DAB1: variants seen among roughly 807,000 people sequenced by gnomAD.
DAB1 encodes the protein disabled homolog 1.
DAB1 carries 15 observed loss-of-function variants against 64.6 expected under a neutral mutation model. The ratio of observed to expected loss-of-function variants is 0.23; its 90% CI spans 0.16 to 0.36. The LOEUF is 0.36. Among genes scored for constraint, DAB1 ranks in the 10% least tolerant of loss-of-function variants. The pLI is 1.00. For missense variants in DAB1, 596 were observed against 706.7 expected, an observed-to-expected ratio of 0.84 and a Z score of 1.78; for synonymous variants, 235 against 251.9, an observed-to-expected ratio of 0.93 and a Z score of 0.64.
At chr1:58,371,729 T>C (rs1418796634) in intron 3 of DAB1, among the ~76,000 whole-genome samples, 1 of 152,190 alleles carries the variant, frequency 6.6e-6, no homozygotes, top group African/African-American at 2.4e-5. Flanking sequence ...CAGGACTTGA[T>C]GACCTGCATC....
chr1:57,568,523 C>T (rs1558502379), intron 7 of DAB1, among the ~76,000 whole-genome samples: 1 of 152,162 alleles, frequency 6.6e-6, no homozygotes, highest in South Asian at 2.1e-4. Flanking sequence ...TTGCAATCTA[C>T]TCATCTGATA....
intron 5 of DAB1, among the ~76,000 whole-genome samples, chr1:58,115,905 G>A (rs1339528382): frequency 7.3e-6 from 1 of 136,438 alleles, no homozygotes; most frequent in Non-Finnish European, 1.6e-5. Context: ...ACATTAGTGG[G>A]TGCAGCGCAC....
At chr1:58,180,281 C>CTTTT (rs869204611) in intron 4 of DAB1, among the ~76,000 whole-genome samples, 14 of 61,038 alleles carry the variant, frequency 2.3e-4, no homozygotes, top group South Asian at 7.1e-4. Flanking sequence ...TTTTTCTTTT[C>CTTTT]TTTTTTTTTT....
At chr1:58,249,142 C>T (rs944896502) in intron 4 of DAB1, among the ~76,000 whole-genome samples, 1 of 152,216 alleles carries the variant, frequency 6.6e-6, no homozygotes, top group Non-Finnish European at 1.5e-5. Flanking sequence ...ACCCATACTG[C>T]GCTGCCAAGG....
chr1:58,513,454 A>G (rs1219691085), intron 2 of DAB1, among the ~76,000 whole-genome samples: 2 of 152,214 alleles, frequency 1.3e-5, no homozygotes, highest in African/African-American at 4.8e-5. Flanking sequence ...ATTGAACTGA[A>G]CTAAATAACT....
chr1:57,751,140 C>A (rs777501161), intron 6 of DAB1, among the ~76,000 whole-genome samples: 1 of 152,056 alleles, frequency 6.6e-6, no homozygotes, highest in Non-Finnish European at 1.5e-5. Flanking sequence ...CGACTGACTA[C>A]CTGGGAGGTG....
At chr1:58,197,204 T>C (rs1557691614) in intron 4 of DAB1, among the ~76,000 whole-genome samples, 1 of 152,106 alleles carries the variant, frequency 6.6e-6, no homozygotes, top group African/African-American at 2.4e-5. Context: ...AAGTGAGGTT[T>C]TATTATATTA....
At chr1:57,342,832 G>A (rs1311341307) in intron 1 of DAB1, among the ~76,000 whole-genome samples, 2 of 150,142 alleles carry the variant, frequency 1.3e-5, no homozygotes, top group South Asian at 2.1e-4. Flanking sequence ...GGTTCCTCGC[G>A]GTGGGTTCGT....
intron 7 of DAB1, among the ~76,000 whole-genome samples, chr1:57,626,344 G>A (rs1375124951): frequency 6.6e-6 from 1 of 152,188 alleles, no homozygotes; most frequent in East Asian, 1.9e-4. Flanking sequence ...ACAAGCTATG[G>A]TGGCCTAAAT....
intron 6 of DAB1, among the ~76,000 whole-genome samples, chr1:57,780,377 A>G (rs1430055989): frequency 6.6e-6 from 1 of 152,178 alleles, no homozygotes; most frequent in African/African-American, 2.4e-5. Context: ...ATATTCCTCA[A>G]ACTAAAACTG....
At chr1:58,531,690 GT>G (rs1474001414) in intron 1 of DAB1, among the ~76,000 whole-genome samples, 2 of 144,662 alleles carry the variant, frequency 1.4e-5, no homozygotes, top group Non-Finnish European at 3.0e-5. Context: ...ACAAATGTGT[GT>G]TTTGAAAAAC....
At chr1:58,072,549 ATG>A (rs1319988985) in intron 5 of DAB1, among the ~76,000 whole-genome samples, 2 of 152,234 alleles carry the variant, frequency 1.3e-5, no homozygotes, top group East Asian at 3.9e-4. Context: ...TGTGAGAATT[ATG>A]TGTGTGACAG....
Position 58,070,026 on chromosome 1 carries a change from C to G in DAB1, n.387+80485G>C, listed in dbSNP as rs1031374946. Among the ~76,000 whole-genome samples the G allele has an allele frequency of 3.3e-5, 5 of 152,322 alleles. No homozygotes were observed. In the South Asian group the frequency reaches 1.0e-3, roughly 32 times the overall value. On this transcript the variant is annotated intron_variant and non_coding_transcript_variant, in intron 5 of 20. Coordinates refer to the DAB1 transcript ENST00000485760. ...CAGCCCAGAGATTTTGGGGAAGCAG[C>G]ATGGAGAGAAGCTCATGCCTTGCTC...
rs116466408 is a variant in DAB1, at chr1:58,454,484, C to T, written n.257+51576G>A. 8.0e-3 allele frequency among the ~76,000 whole-genome samples: 1,212 copies of T among 152,224 alleles called. 20 individuals carry two copies. The highest frequency in any genetic ancestry group is 0.028 in the African/African-American group (1,154 of 41,536). ...CTCAGAGTTCACCTTGAGCAAGAGACGGCCACAGCAACACAGAAAAGCTTT... is the reference window on the plus strand; with the variant it reads ...CTCAGAGTTCACCTTGAGCAAGAGATGGCCACAGCAACACAGAAAAGCTTT... On this transcript the variant is annotated intron_variant and non_coding_transcript_variant, in intron 3 of 20. Coordinates refer to the DAB1 transcript ENST00000485760.
At position 57,747,665 on chromosome 1, in the gene DAB1, C is replaced by T. The variant is rs146257810; in HGVS notation, n.552-98000G>A. On this transcript the variant is annotated intron_variant and non_coding_transcript_variant, in intron 6 of 20. Coordinates refer to the DAB1 transcript ENST00000485760. ...TCTACTAAAAATACAAAAAATTAGC[C>T]GGGATTGGTGGAAGGGGCCTGCAGT... Among the ~76,000 whole-genome samples, 817 of 151,584 alleles carry T rather than the reference C, an allele frequency of 5.4e-3. 9 individuals carry two copies. The highest frequency in any genetic ancestry group is 0.019 in the African/African-American group (777 of 41,336).
chr1:57,191,995 G>A (rs1664172717), intron 2 of DAB1, among the ~76,000 whole-genome samples: 2 of 152,076 alleles, frequency 1.3e-5, no homozygotes, highest in Non-Finnish European at 2.9e-5. Flanking sequence ...CTGCTCTTAG[G>A]GTCACACAAG....
chr1:58,471,606 C>G (rs1320473342), intron 3 of DAB1, among the ~76,000 whole-genome samples: 2 of 152,174 alleles, frequency 1.3e-5, no homozygotes, highest in African/African-American at 4.8e-5. Flanking sequence ...TCCCCAATCC[C>G]CTTTTTGGAG....
chr1:58,480,496 C>T (rs1645462799), intron 3 of DAB1, among the ~76,000 whole-genome samples: 1 of 152,124 alleles, frequency 6.6e-6, no homozygotes, highest in Non-Finnish European at 1.5e-5. Flanking sequence ...CAAGGAAATT[C>T]TCTATCCTGA....
intron 7 of DAB1, among the ~76,000 whole-genome samples, chr1:57,622,348 A>G (rs1385716433): frequency 6.6e-6 from 1 of 152,164 alleles, no homozygotes; most frequent in African/African-American, 2.4e-5. Flanking sequence ...GTGAGGCTAG[A>G]CTAGGGTGGC....
Sources: allele counts gnomAD v4.1 joint callset (sites outside exome capture counted in the v4.1 genomes callset), GRCh38; gene constraint gnomAD v4.1.1; transcripts MANE v1.5; gene names NCBI Gene and HGNC (gene_info 2026-07-23, HGNC 2026-07-21).